The following PTPRN2 variants were observed in gnomAD, a reference collection of about 807,000 sequenced individuals.
PTPRN2 encodes protein tyrosine phosphatase receptor type N2.
PTPRN2 carries 74 observed loss-of-function variants against 118.8 expected under a neutral mutation model. That is an observed-to-expected ratio of 0.62 (90% CI 0.52 to 0.76). The LOEUF (loss-of-function observed/expected upper bound fraction) is 0.76, where lower values mean the gene tolerates loss of function less well. PTPRN2 is among the 30% of genes least tolerant of loss of function. The pLI is 0.00. For missense variants in PTPRN2, 1,481 were observed against 1,394.4 expected, an observed-to-expected ratio of 1.06 and a Z score of -0.99; for synonymous variants, 641 against 608.0, an observed-to-expected ratio of 1.05 and a Z score of -0.80.
intron 2 of PTPRN2, among the ~76,000 whole-genome samples, chr7:158,352,404 C>G (rs1808072800): frequency 6.6e-6 from 1 of 152,170 alleles, no homozygotes; most frequent in African/African-American, 2.4e-5. Context: ...AGCAAACTTA[C>G]ACAAGCACAC....
intron 12 of PTPRN2, among the ~76,000 whole-genome samples, chr7:157,718,235 G>A (rs1429470062): frequency 1.3e-5 from 2 of 152,236 alleles, no homozygotes; most frequent in African/African-American, 4.8e-5. Context: ...TAGAGTTTTT[G>A]AACTATCAGC....
At position 158,457,854 on chromosome 7, in the gene PTPRN2, G is replaced by A. The variant is rs149110652; in HGVS notation, c.163+31881C>T. Among the ~76,000 whole-genome samples the A allele has an allele frequency of 5.8e-3, 842 of 144,992 alleles. 21 individuals carry two copies. The highest frequency in any genetic ancestry group is 0.022 in the African/African-American group (801 of 36,364). ...GGGCGAGCCTGGCCTGGGGAGAGTCGCAGTAAAGCCACCGTCAAAACTCCT... is the reference window on the plus strand; with the variant it reads ...GGGCGAGCCTGGCCTGGGGAGAGTCACAGTAAAGCCACCGTCAAAACTCCT... On this transcript the variant is annotated intron_variant, in intron 2 of 22. Coordinates refer to ENST00000389418, the MANE Select transcript of PTPRN2 (RefSeq NM_002847.5).
chr7:157,762,204 G>T (rs973760917), intron 12 of PTPRN2, among the ~76,000 whole-genome samples: 2 of 152,094 alleles, frequency 1.3e-5, no homozygotes, highest in African/African-American at 4.8e-5. Context: ...CAGGGATCTA[G>T]AACTGGAAAT....
chr7:158,372,588 C>T (rs1486910659), intron 2 of PTPRN2, among the ~76,000 whole-genome samples: 1 of 146,436 alleles, frequency 6.8e-6, no homozygotes, highest in African/African-American at 2.5e-5. Context: ...GTCCCCCCAA[C>T]ACTGGTCCCT....
chr7:157,924,181 G>A (rs190890699), intron 11 of PTPRN2, among the ~76,000 whole-genome samples: 96 of 152,286 alleles, frequency 6.3e-4, no homozygotes, highest in African/African-American at 2.2e-3. Flanking sequence ...ATGAGGGGGC[G>A]CGGCCACAGG....
intron 17 of PTPRN2, among the ~76,000 whole-genome samples, chr7:157,584,322 TA>T (rs1447858082): frequency 1.3e-5 from 2 of 152,180 alleles, no homozygotes. Context: ...ATCATCTCTT[TA>T]AAGACTCCAT....
rs140066440 is a variant in PTPRN2, at chr7:158,211,760, C to T, written c.278-6487G>A. Among the ~76,000 whole-genome samples, 876 of 152,302 alleles carry T rather than the reference C, an allele frequency of 5.8e-3. 2 individuals carry two copies. The highest frequency in any genetic ancestry group is 9.0e-3 in the Non-Finnish European group (613 of 68,016). Reference sequence around the variant, plus strand: ...AGGAAAAAGGGAACCCTCATACACACTGTTGGTAGAATTGTAAATTAGTAC... The same window carrying T: ...AGGAAAAAGGGAACCCTCATACACATTGTTGGTAGAATTGTAAATTAGTAC... On this transcript the variant is annotated intron_variant, in intron 3 of 22. Transcript: ENST00000389418.
chr7:157,903,303 G>A lies in PTPRN2; in HGVS notation c.1724-4566C>T, dbSNP rs1797575282. ...GAGAGGGAGGTGGGAGAAAAGGGCTGAAACTCCCTCTGGGGGACGTGCTCA... is the reference window on the plus strand; with the variant it reads ...GAGAGGGAGGTGGGAGAAAAGGGCTAAAACTCCCTCTGGGGGACGTGCTCA... On this transcript the variant is annotated intron_variant, in intron 11 of 22. Coordinates refer to ENST00000389418, the MANE Select transcript of PTPRN2 (RefSeq NM_002847.5). This position sits in a 1 kb window ranked among gnomAD's most constrained non-coding sequence, Gnocchi z 4.2. Among the ~76,000 whole-genome samples, 1 of 152,098 alleles carries A rather than the reference G, an allele frequency of 6.6e-6. No homozygotes were observed. Among genetic ancestry groups the A allele is most frequent in the Non-Finnish European group, 1.5e-5 (1 of 68,030 alleles).
In PTPRN2 at chr7:158,154,801, T is replaced by C. The variant is rs541862551; in HGVS notation, c.910+12130A>G. On this transcript the variant is annotated intron_variant, in intron 6 of 22. Transcript: ENST00000389418. ...AAATTCTAAGTTGCTGGGCAGCTTA[T>C]GGGAGAACAGTTAATGCATACTAGG... Among the ~76,000 whole-genome samples the C allele has an allele frequency of 2.6e-5, 4 of 152,280 alleles. No homozygotes were observed. The South Asian group carries it at 8.3e-4, about 32-fold the overall frequency.
At chr7:157,562,554 G>A (rs1386854124) in intron 21 of PTPRN2, among the ~76,000 whole-genome samples, 1 of 152,220 alleles carries the variant, frequency 6.6e-6, no homozygotes, top group African/African-American at 2.4e-5. Flanking sequence ...GAACAAGGCG[G>A]CTCTGGAGGG....
In PTPRN2 at chr7:157,881,513, C is replaced by A. The variant is rs370066737; in HGVS notation, c.1788+17160G>T. Among the ~76,000 whole-genome samples, 1 of 152,086 alleles carries A rather than the reference C, an allele frequency of 6.6e-6. No individual in the cohort carries two copies. Among genetic ancestry groups the A allele is most frequent in the Non-Finnish European group, 1.5e-5 (1 of 68,008 alleles). On this transcript the variant is annotated intron_variant, in intron 12 of 22. Coordinates refer to ENST00000389418, the MANE Select transcript of PTPRN2 (RefSeq NM_002847.5). This position sits in a 1 kb window ranked among gnomAD's most constrained non-coding sequence, Gnocchi z 4.7. ...ATAAAGGTTTGTGACTGAAGCCCCC[C>A]ACTCTGCAGTATTCTGTTGTGGCAG...
At position 158,136,534 on chromosome 7, in the gene PTPRN2, G is replaced by A. The variant is rs1467997964; in HGVS notation, c.1173+121C>T. 7.1e-6 allele frequency: 6 copies of A among 847,100 alleles called. No homozygotes were observed. The East Asian group carries it at 1.3e-4, about 18-fold the overall frequency. The allele number at this position is 847,100 out of a possible 1,614,324, so 52.5% of individuals were successfully genotyped here. ...TTTTTCAATTTGGAGATTATGAGGG[G>A]TTTCTCCATAATTTTCTGGGAAAAA... On this transcript the variant is annotated intron_variant, in intron 8 of 22. Transcript: ENST00000389418.
chr7:158,580,978 A>C (rs1828596751), intron 1 of PTPRN2, among the ~76,000 whole-genome samples: 1 of 152,210 alleles, frequency 6.6e-6, no homozygotes, highest in African/African-American at 2.4e-5. Context: ...AACTCAGAAA[A>C]TCAATCCCCT....
chr7:157,948,737 A>T (rs1303163795), intron 11 of PTPRN2, among the ~76,000 whole-genome samples: 4 of 152,224 alleles, frequency 2.6e-5, no homozygotes, highest in Non-Finnish European at 2.9e-5. Context: ...AAATGCTCCA[A>T]AATCTGAAAA....
chr7:157,811,332 T>TTATATATATATATATATATATATA (rs71189737), intron 12 of PTPRN2, among the ~76,000 whole-genome samples: 26 of 131,286 alleles, frequency 2.0e-4, no homozygotes, highest in African/African-American at 2.8e-4. Context: ...ATCTACTCTA[T>TTATATATATATATATATATATATA]TATATATATA....
intron 14 of PTPRN2, among the ~76,000 whole-genome samples, chr7:157,655,751 C>T (rs1300361057): frequency 6.6e-6 from 1 of 152,182 alleles, no homozygotes; most frequent in Non-Finnish European, 1.5e-5. Flanking sequence ...GACAGCTGTC[C>T]TAATAACACC....
At position 157,986,834 on chromosome 7, in the gene PTPRN2, G is replaced by A. The variant is rs928067357; in HGVS notation, c.1724-88097C>T. Among the ~76,000 whole-genome samples the A allele has an allele frequency of 6.6e-6, 1 of 152,130 alleles. No individual in the cohort carries two copies. The highest frequency in any genetic ancestry group is 1.5e-5 in the Non-Finnish European group (1 of 68,006). ...GGTGGTCGGTGCCCACCCACTGACA[G>A]GAGCTGCCGGTTTCTGACCCACTCC... On this transcript the variant is annotated intron_variant, in intron 11 of 22. Transcript: ENST00000389418. This position sits in a 1 kb window ranked among gnomAD's most constrained non-coding sequence, Gnocchi z 4.5.
intron 2 of PTPRN2, among the ~76,000 whole-genome samples, chr7:158,333,375 CGCACCATAAGAGGTGACACCTGCAGACG>C (rs1804889653): frequency 2.9e-5 from 4 of 140,330 alleles, no homozygotes; most frequent in Non-Finnish European, 3.1e-5. Flanking sequence ...CACCCACACT[CGCACCATAAGAGGTGACACCTGCAGACG>C]TCACTCACAC....
intron 3 of PTPRN2, among the ~76,000 whole-genome samples, chr7:158,293,618 A>G (rs780687329): frequency 1.1e-4 from 16 of 152,190 alleles, no homozygotes; most frequent in Non-Finnish European, 2.4e-4. Context: ...AAATGTTTTA[A>G]CTACTTTTAA....
Sources: gnomAD v4.1 joint callset for allele counts (sites outside exome capture counted in the v4.1 genomes callset) on GRCh38, gnomAD v4.1.1 for gene constraint, Gnocchi (gnomAD v3.1) non-coding constraint, MANE v1.5 for transcripts, NCBI Gene and HGNC (gene_info 2026-07-23, HGNC 2026-07-21) for gene names.